NRG3: variants seen among roughly 807,000 people sequenced by gnomAD.
The protein encoded by NRG3 is pro-neuregulin-3, membrane-bound isoform.
Under a neutral mutation model 66.9 loss-of-function variants are expected in NRG3, and 31 were observed. The ratio of observed to expected loss-of-function variants is 0.46; its 90% CI spans 0.35 to 0.63. NRG3 has a LOEUF of 0.63. Ranked by LOEUF, NRG3 falls within the 20% of genes least tolerant of loss-of-function variation. The pLI is 0.00. For synonymous variants in NRG3, 393 were observed against 359.4 expected, an observed-to-expected ratio of 1.09 and a Z score of -1.06; for missense variants, 910 against 878.9, an observed-to-expected ratio of 1.04 and a Z score of -0.45.
At chr10:82,606,929 A>G (rs1590851383) in intron 2 of NRG3, among the ~76,000 whole-genome samples, 1 of 152,132 alleles carries the variant, frequency 6.6e-6, no homozygotes, top group Non-Finnish European at 1.5e-5. Context: ...TCACTTCTTG[A>G]CCAATCAGCA....
At chr10:82,167,184 A>C (rs2072149457) in intron 1 of NRG3, among the ~76,000 whole-genome samples, 1 of 151,834 alleles carries the variant, frequency 6.6e-6, no homozygotes, top group Non-Finnish European at 1.5e-5. Flanking sequence ...TTGCATGCCT[A>C]GTAATTTTTT....
At chr10:82,806,285 A>G in intron 3 of NRG3, among the ~76,000 whole-genome samples, 1 of 152,206 alleles carries the variant, frequency 6.6e-6, no homozygotes. Context: ...AATGACAATG[A>G]CAATTGAGGC....
intron 1 of NRG3, among the ~76,000 whole-genome samples, chr10:81,986,869 A>G (rs1250875566): frequency 1.3e-5 from 2 of 151,932 alleles, no homozygotes; most frequent in African/African-American, 4.8e-5. Flanking sequence ...ATTTGTAGAG[A>G]CAAGTACTCA....
intron 1 of NRG3, among the ~76,000 whole-genome samples, chr10:82,162,751 A>G (rs1350729148): frequency 6.6e-6 from 1 of 152,132 alleles, no homozygotes; most frequent in Non-Finnish European, 1.5e-5. Flanking sequence ...AGAGAATTGC[A>G]ACTCAGAGCT....
chr10:82,306,190 A>G (rs1265832159), intron 1 of NRG3, among the ~76,000 whole-genome samples: 1 of 152,174 alleles, frequency 6.6e-6, no homozygotes, highest in Non-Finnish European at 1.5e-5. Flanking sequence ...TTGTATTAAC[A>G]CTTGATCATG....
At position 82,972,925 on chromosome 10, in the gene NRG3, A is replaced by G. The variant is rs183731425; in HGVS notation, c.1285-863A>G. On this transcript the variant is annotated intron_variant, in intron 6 of 8. Coordinates refer to ENST00000372141, the MANE Select transcript of NRG3 (RefSeq NM_001010848.4). Reference sequence around the variant, plus strand: ...TTTACAGTTACTCAGGTTAACACTTAAAATCTGTAGCTTGACACATTGGGT... The same window carrying G: ...TTTACAGTTACTCAGGTTAACACTTGAAATCTGTAGCTTGACACATTGGGT... Among the ~76,000 whole-genome samples, 41 of 152,332 alleles carry G rather than the reference A, an allele frequency of 2.7e-4. No individual in the cohort carries two copies. In the East Asian group the frequency reaches 7.1e-3, roughly 27 times the overall value.
intron 1 of NRG3, among the ~76,000 whole-genome samples, chr10:82,041,869 A>G (rs1249876249): frequency 6.6e-6 from 1 of 151,772 alleles, no homozygotes; most frequent in East Asian, 1.9e-4. Context: ...AATCTTCCCA[A>G]CAACCAAAGT....
intron 3 of NRG3, among the ~76,000 whole-genome samples, chr10:82,837,952 A>C (rs1204977172): frequency 6.6e-6 from 1 of 152,120 alleles, no homozygotes. Context: ...AGTATGTGGA[A>C]ATTGGCTTAT....
chr10:82,194,038 T>C (rs1434535521), intron 1 of NRG3, among the ~76,000 whole-genome samples: 1 of 152,080 alleles, frequency 6.6e-6, no homozygotes. Flanking sequence ...GAAGGAAAAC[T>C]AGGAACCACT....
At chr10:82,391,997 AAAAAAAAAAAAAAC>A (rs1286607551) in intron 2 of NRG3, among the ~76,000 whole-genome samples, 2 of 147,628 alleles carry the variant, frequency 1.4e-5, no homozygotes, top group East Asian at 2.0e-4. Context: ...CACATGCAAA[AAAAAAAAAAAAAAC>A]AAAAAAAAAA....
At chr10:82,093,758 T>C (rs1314577352) in intron 1 of NRG3, among the ~76,000 whole-genome samples, 1 of 152,160 alleles carries the variant, frequency 6.6e-6, no homozygotes, top group African/African-American at 2.4e-5. Context: ...TTAATACATA[T>C]CTAGATGATT....
intron 2 of NRG3, among the ~76,000 whole-genome samples, chr10:82,404,210 A>G (rs746982794): frequency 6.6e-6 from 1 of 152,174 alleles, no homozygotes; most frequent in Non-Finnish European, 1.5e-5. Flanking sequence ...GGGTCATTCA[A>G]ATTCACAAAC....
At chr10:82,923,976 T>C (rs1371504454) in intron 4 of NRG3, among the ~76,000 whole-genome samples, 4 of 151,092 alleles carry the variant, frequency 2.6e-5, no homozygotes, top group Non-Finnish European at 5.9e-5. Flanking sequence ...CAGGCACCTG[T>C]CATCCCAGCT....
chr10:82,905,389 T>C (rs984116992), intron 4 of NRG3, among the ~76,000 whole-genome samples: 1 of 152,166 alleles, frequency 6.6e-6, no homozygotes, highest in African/African-American at 2.4e-5. Context: ...CAGTGATTAT[T>C]GAAAGCTTTT....
intron 6 of NRG3, among the ~76,000 whole-genome samples, chr10:82,964,940 T>C (rs1851058313): frequency 6.6e-6 from 1 of 152,172 alleles, no homozygotes; most frequent in Non-Finnish European, 1.5e-5. Flanking sequence ...GGCCTATTGA[T>C]TTCGGTGCAC....
chr10:82,244,263 A>G (rs1443204502), intron 1 of NRG3, among the ~76,000 whole-genome samples: 2 of 152,162 alleles, frequency 1.3e-5, no homozygotes, highest in Non-Finnish European at 2.9e-5. Flanking sequence ...AGATAATTTC[A>G]GAGCTCTTTG....
intron 4 of NRG3, among the ~76,000 whole-genome samples, chr10:82,888,723 T>C (rs1842915898): frequency 1.3e-5 from 2 of 151,970 alleles, no homozygotes; most frequent in Non-Finnish European, 2.9e-5. Flanking sequence ...AAGTGAAATA[T>C]GTATGACTGA....
intron 1 of NRG3, among the ~76,000 whole-genome samples, chr10:82,323,774 T>C (rs1210885205): frequency 6.6e-6 from 1 of 152,186 alleles, no homozygotes; most frequent in Non-Finnish European, 1.5e-5. Flanking sequence ...TACAGTTTAC[T>C]GATATAGATA....
chr10:82,278,992 A>C (rs1456359720), intron 1 of NRG3, among the ~76,000 whole-genome samples: 1 of 152,164 alleles, frequency 6.6e-6, no homozygotes, highest in East Asian at 1.9e-4. Flanking sequence ...ATTGCACAGC[A>C]CATGTTATTA....
Sources: gnomAD v4.1 joint callset for allele counts (sites outside exome capture counted in the v4.1 genomes callset) on GRCh38, gnomAD v4.1.1 for gene constraint, MANE v1.5 for transcripts, NCBI Gene and HGNC (gene_info 2026-07-23, HGNC 2026-07-21) for gene names.